NUP210: variants seen among roughly 807,000 people sequenced by gnomAD.
NUP210 encodes nuclear pore membrane glycoprotein 210.
In NUP210, 151 loss-of-function variants were observed where a neutral mutation model predicts 196.0. That is an observed-to-expected ratio of 0.77 (90% CI 0.67 to 0.88). The LOEUF (loss-of-function observed/expected upper bound fraction) is 0.88, where lower values mean the gene tolerates loss of function less well. Among genes scored for constraint, NUP210 ranks in the 40% least tolerant of loss-of-function variants. The pLI, the probability that NUP210 is intolerant of heterozygous loss-of-function variation, is 0.00. For missense variants in NUP210, 2,314 were observed against 2,493.7 expected, an observed-to-expected ratio of 0.93 and a Z score of 1.53; for synonymous variants, 1,070 against 1,052.7, an observed-to-expected ratio of 1.02 and a Z score of -0.32.
chr3:13,358,230 T>A lies in NUP210; in HGVS notation c.2320A>T (p.Lys774Ter). 1.2e-6 allele frequency: 2 copies of A among 1,606,744 alleles called. No homozygotes were observed. Among genetic ancestry groups the A allele is most frequent in the Non-Finnish European group, 1.7e-6 (2 of 1,175,326 alleles). The change falls in exon 16 of 40, where the codon AAG (lysine) becomes TAG (stop). Residue 774 changes from lysine (K) to a stop codon, truncating the protein, a stop_gained. Transcript: ENST00000254508. LOFTEE classifies it high-confidence loss of function. ...GCATAGCCCACACTCACCACCTGCT[T>A]GTTCTGCTGCAGCAGCGGACAGGAC... ...DMSCPLLQQN[K>*]QVVPVSSHRN...
rs1697503871 is a variant in NUP210 at position 13,341,737 on chromosome 3, A to G, written c.3228+11T>C. On this transcript the variant is annotated intron_variant, in intron 23 of 39. Transcript: ENST00000254508. ...GCTGATCCCACATGGTGTGGGAAGA[A>G]CTCGTCTTACTTCAATCTGTTGTGG... The G allele has an allele frequency of 6.2e-7, 1 of 1,613,934 alleles. No individual in the cohort carries two copies. Among genetic ancestry groups the G allele is most frequent in the African/African-American group, 1.3e-5 (1 of 74,912 alleles).
chr3:13,328,558 G>A (rs968247986), intron 31 of NUP210, among the ~76,000 whole-genome samples: 22 of 152,240 alleles, frequency 1.4e-4, no homozygotes, highest in African/African-American at 4.3e-4. Context: ...GGGGGCTGAT[G>A]CCTGTCTGTC....
intron 31 of NUP210, 56 bp downstream of exon 31, chr3:13,328,715 T>C: frequency 6.6e-7 from 1 of 1,510,110 alleles, no homozygotes; most frequent in Non-Finnish European, 9.2e-7. Flanking sequence ...CCCAGTTGTC[T>C]CTACCAGGTA....
At chr3:13,343,342 G>GGGGGGGGGGGGGGGCC in intron 20 of NUP210, 39 bp from the exon 21 acceptor site, 2 of 655,982 alleles carry the variant, frequency 3.0e-6, no homozygotes, top group Non-Finnish European at 5.0e-6. Context: ...TGGGTGGTGG[G>GGGGGGGGGGGGGGGCC]TTACGCAGCT....
chr3:13,415,608 T>C (rs532354960), intron 1 of NUP210, among the ~76,000 whole-genome samples: 1 of 152,100 alleles, frequency 6.6e-6, no homozygotes, highest in Non-Finnish European at 1.5e-5. Flanking sequence ...GAAGGCCAAG[T>C]GAAGGAGGTA....
intron 39 of NUP210, among the ~76,000 whole-genome samples, chr3:13,318,822 G>C (rs1301338023): frequency 5.3e-5 from 8 of 152,260 alleles, no homozygotes; most frequent in Non-Finnish European, 1.2e-4. Context: ...CTCCTGCCTA[G>C]ACAGAGCTCC....
At position 13,420,119 on chromosome 3, in the gene NUP210, G is replaced by A. The variant is rs756183682; in HGVS notation, c.108C>T (p.Pro36=). 7.2e-7 allele frequency: 1 copy of A among 1,380,724 alleles called. No individual in the cohort carries two copies. The highest frequency in any genetic ancestry group is 9.6e-7 in the Non-Finnish European group (1 of 1,046,330). The allele number at this position is 1,380,724 out of a possible 1,614,324, so 85.5% of individuals were successfully genotyped here. The change falls in exon 1 of 40, where the codon CCC becomes CCT. Residue 36 remains proline (P), a synonymous_variant. Coordinates refer to ENST00000254508, the MANE Select transcript of NUP210 (RefSeq NM_024923.4). The surrounding 1 kb of genome is among the most constrained non-coding windows in gnomAD (Gnocchi z 4.8). The part of the protein sequence containing the change: ...AKLNIPKVLL[P]FTRATRVNFT... The stretch of plus-strand genomic sequence containing the variant: ...AGTTAACGCGCGTGGCCCGCGTGAA[G>A]GGCAGCAGCACTTTGGGGATGTTGA...
chr3:13,351,466 T>C (rs562564737), intron 20 of NUP210, among the ~76,000 whole-genome samples: 95 of 152,322 alleles, frequency 6.2e-4, no homozygotes, highest in Middle Eastern at 3.4e-3. Flanking sequence ...TTGCTAATTA[T>C]AGCTAATGTG....
At chr3:13,392,539 A>G (rs780589011) in intron 3 of NUP210, among the ~76,000 whole-genome samples, 4 of 152,228 alleles carry the variant, frequency 2.6e-5, no homozygotes, top group Non-Finnish European at 5.9e-5. Context: ...GATGGTGGAT[A>G]TGAAAATCCA....
chr3:13,327,657 C>T (rs959777064), intron 31 of NUP210, among the ~76,000 whole-genome samples: 28 of 152,200 alleles, frequency 1.8e-4, no homozygotes, highest in Non-Finnish European at 4.0e-4. Flanking sequence ...TGCCAGAAAG[C>T]ACATGCAGCT....
chr3:13,324,325 C>G (rs1696657080), intron 33 of NUP210, among the ~76,000 whole-genome samples: 3 of 152,118 alleles, frequency 2.0e-5, no homozygotes, highest in Non-Finnish European at 2.9e-5. Context: ...CTCCCACCCA[C>G]TCCCAGGGCT....
chr3:13,321,818 T>C lies in NUP210; in HGVS notation c.4933A>G (p.Ile1645Val), dbSNP rs374991553. Residue 1645 changes from isoleucine (I) to valine (V), a missense_variant, in exon 36 of 40, where the codon ATC becomes GTC. By Grantham distance (29) the Ile-to-Val change is conservative. Transcript: ENST00000254508. ...TTGTCCGTCAGCCTGTGCATTGTGATTGAGCAGAAGTACTGGCCTGCGAAG... is the reference window on the plus strand; with the variant it reads ...TTGTCCGTCAGCCTGTGCATTGTGACTGAGCAGAAGTACTGGCCTGCGAAG... ...DTALGQYFCSITMHRLTDKQR... is the reference protein window; with the variant it reads ...DTALGQYFCSVTMHRLTDKQR... The C allele has an allele frequency of 1.2e-5, 19 of 1,606,826 alleles. 1 individual carries two copies. The South Asian group carries it at 1.8e-4, about 15-fold the overall frequency.
In NUP210 at chr3:13,373,867, C is replaced by T. The variant is rs1477802749; in HGVS notation, c.1438G>A (p.Gly480Ser). 1.9e-6 allele frequency: 3 copies of T among 1,612,964 alleles called. No individual in the cohort carries two copies. The highest frequency in any genetic ancestry group is 2.2e-5 in the South Asian group (2 of 90,814). Residue 480 changes from glycine to serine, a missense_variant, in exon 12 of 40, where the codon GGT (glycine) becomes AGT (serine). Gly to Ser is a moderately conservative substitution (Grantham distance 56). Coordinates refer to ENST00000254508, the MANE Select transcript of NUP210 (RefSeq NM_024923.4). ...GACCAGCTGAAGTTCCCACTGCCACCGTGGGCCTGCGGAGGAAAAGCCATC... is the reference window on the plus strand; with the variant it reads ...GACCAGCTGAAGTTCCCACTGCCACTGTGGGCCTGCGGAGGAAAAGCCATC... Reference protein sequence around the residue: ...GAYQYTIRAHGGSGNFSWSSS... With the variant: ...GAYQYTIRAHSGSGNFSWSSS...
chr3:13,330,136 A>G (rs4684927), intron 30 of NUP210, among the ~76,000 whole-genome samples: 94,495 of 152,192 alleles, frequency 0.62, 30,872 homozygotes, highest in African/African-American at 0.84. Flanking sequence ...GGCCAGGCAC[A>G]GTGGGTGGAG....
Position 13,379,783 on chromosome 3 carries a change from G to T in NUP210, c.818-62C>A. ...AGAGCAAAGACAGGAAATGTTAGAAGCCAATACACTCCCACTGCCACCCCG... is the reference window on the plus strand; with the variant it reads ...AGAGCAAAGACAGGAAATGTTAGAATCCAATACACTCCCACTGCCACCCCG... On this transcript the variant is annotated intron_variant, in intron 6 of 39. Coordinates refer to ENST00000254508, the MANE Select transcript of NUP210 (RefSeq NM_024923.4). This position sits in a 1 kb window ranked among gnomAD's most constrained non-coding sequence, Gnocchi z 4.2. The T allele has an allele frequency of 1.4e-6, 2 of 1,419,454 alleles. No homozygotes were observed. Among genetic ancestry groups the T allele is most frequent in the African/African-American group, 1.4e-5 (1 of 69,598 alleles). 87.9% of individuals were successfully genotyped at this position (1,419,454 alleles called of 1,614,324 possible). A position where few individuals can be genotyped will look rare whatever the true frequency, so the allele number is the denominator to read the frequency against.
At chr3:13,363,698 G>T (rs945407239) in intron 14 of NUP210, among the ~76,000 whole-genome samples, 2 of 152,158 alleles carry the variant, frequency 1.3e-5, no homozygotes, top group African/African-American at 4.8e-5. Flanking sequence ...AAATAAACCT[G>T]ATCTTACCTG....
rs910955049 is a variant in NUP210 at position 13,405,362 on chromosome 3, G to A, written c.168-5501C>T. 9.2e-5 allele frequency among the ~76,000 whole-genome samples: 14 copies of A among 152,250 alleles called. No individual in the cohort carries two copies. In the South Asian group the frequency reaches 1.2e-3, roughly 14 times the overall value. On this transcript the variant is annotated intron_variant, in intron 1 of 39. Coordinates refer to ENST00000254508, the MANE Select transcript of NUP210 (RefSeq NM_024923.4). ...AAACATAGGCTCTTCTGGGTCTTGA[G>A]CCTGCTGGCCTTCAGACTAAAACTA... is the stretch of plus-strand genomic sequence containing the variant.
Position 13,353,775 on chromosome 3 carries a change from G to A in NUP210, c.2522-115C>T, listed in dbSNP as rs914619913. On this transcript the variant is annotated intron_variant, in intron 17 of 39. Transcript: ENST00000254508. ...AATCTGAAAACAGACAACTGTGTGT[G>A]TTGAAACTATGTGGATTGTAAGAGT... 1.9e-5 allele frequency: 24 copies of A among 1,239,828 alleles called. No individual in the cohort carries two copies. The Admixed American group carries it at 3.6e-4, about 19-fold the overall frequency. 76.8% of individuals were successfully genotyped at this position (1,239,828 alleles called of 1,614,324 possible). A position where few individuals can be genotyped will look rare whatever the true frequency, so the allele number is the denominator to read the frequency against.
chr3:13,370,840 G>C (rs1004567728), intron 13 of NUP210, among the ~76,000 whole-genome samples: 1 of 152,206 alleles, frequency 6.6e-6, no homozygotes, highest in Non-Finnish European at 1.5e-5. Flanking sequence ...TGCCAATAAA[G>C]CTTCCTAAAC....
Sources: allele counts gnomAD v4.1 joint callset (sites outside exome capture counted in the v4.1 genomes callset), GRCh38; gene constraint gnomAD v4.1.1; non-coding constraint Gnocchi (gnomAD v3.1); transcripts MANE v1.5; gene names NCBI Gene and HGNC (gene_info 2026-07-23, HGNC 2026-07-21).